PRKAG3: variants seen among roughly 807,000 people sequenced by gnomAD.
PRKAG3 encodes protein kinase AMP-activated non-catalytic subunit gamma 3.
PRKAG3 carries 39 observed loss-of-function variants against 56.5 expected under a neutral mutation model. That is an observed-to-expected ratio of 0.69 (90% CI 0.53 to 0.90). PRKAG3 has a LOEUF of 0.90. Ranked by LOEUF, PRKAG3 falls within the 40% of genes least tolerant of loss-of-function variation. The pLI, the probability that PRKAG3 is intolerant of heterozygous loss-of-function variation, is 0.00. For synonymous variants in PRKAG3, 243 were observed against 250.1 expected (o/e 0.97, Z 0.27); for missense variants, 628 against 627.5 (o/e 1.00, Z -0.01).
exon 13 of PRKAG3, chr2:218,823,573 G>T: frequency 7.8e-7 from 1 of 1,277,242 alleles, no homozygotes; most frequent in Non-Finnish European, 1.1e-6. Context: ...CCCATCCTCA[G>T]GGTGTCCCAA....
exon 5 of PRKAG3, chr2:218,828,540 T>C: frequency 1.2e-6 from 2 of 1,613,864 alleles, no homozygotes; most frequent in Non-Finnish European, 1.7e-6. Context: ...TGCTTCTTGC[T>C]GTCCCATAGA....
exon 12 of PRKAG3, chr2:218,824,235 A>G (rs761293377): frequency 1.2e-6 from 2 of 1,613,982 alleles, no homozygotes; most frequent in East Asian, 4.5e-5. Context: ...CTCCCGAGCA[A>G]TCCTGTCGAT....
At chr2:218,830,646 CTG>C (rs1404896103) in intron 3 of PRKAG3, 98 bp downstream of exon 3, 10 of 1,425,624 alleles carry the variant, frequency 7.0e-6, no homozygotes, top group South Asian at 1.3e-5. Context: ...GGGTCCAACT[CTG>C]TGTTATGGAG....
chr2:218,831,743 G>T, exon 1 of PRKAG3: 1 of 1,610,910 alleles, frequency 6.2e-7, no homozygotes, highest in Non-Finnish European at 8.5e-7. Context: ...CATACCCTGC[G>T]CAGTGCGTGC....
chr2:218,830,719 C>A (rs1446867777), intron 3 of PRKAG3, 27 bp downstream of exon 3: 3 of 1,606,718 alleles, frequency 1.9e-6, no homozygotes, highest in Non-Finnish European at 2.5e-6. Flanking sequence ...CTGGCTCCCA[C>A]CTCCCCAGAA....
exon 13 of PRKAG3, chr2:218,823,673 G>T: frequency 6.2e-7 from 1 of 1,603,210 alleles, no homozygotes; most frequent in Admixed American, 1.7e-5. Context: ...CAGCAAATGG[G>T]GGTGGGGGAA....
At position 218,827,706 on chromosome 2, in the gene PRKAG3, G is replaced by A. The variant is rs952350003; in HGVS notation, c.821-77C>T. ...TGCAGTCCCAGGCAGCTTCCCTTCC[G>A]TCAGGCACCCGAGGCTCCTATTGTC... On this transcript the variant is annotated intron_variant, in intron 7 of 12. Coordinates refer to ENST00000529249, the Ensembl canonical transcript of PRKAG3. This position sits in a 1 kb window ranked among gnomAD's most constrained non-coding sequence, Gnocchi z 5.3. 1.1e-5 allele frequency: 18 copies of A among 1,574,046 alleles called. No individual in the cohort carries two copies. Among genetic ancestry groups the A allele is most frequent in the Non-Finnish European group, 1.3e-5 (15 of 1,144,160 alleles).
At position 218,827,067 on chromosome 2, in the gene PRKAG3, G is replaced by A; in HGVS notation, c.1029C>T (p.Phe343=). The change falls in exon 10 of 13, where the codon TTC becomes TTT. Residue 343 remains phenylalanine (F), a synonymous_variant. Transcript: ENST00000529249. This position sits in a 1 kb window ranked among gnomAD's most constrained non-coding sequence, Gnocchi z 5.3. ...CCAAATCTTGGATAGTGCGGTAGAG[G>A]AAGGAGGGCCGGGGCAGCAGGGAAC... 1 of 1,613,654 alleles carries A rather than the reference G, an allele frequency of 6.2e-7. No individual in the cohort carries two copies. The highest frequency in any genetic ancestry group is 8.5e-7 in the Non-Finnish European group (1 of 1,180,042).
chr2:218,828,592 C>T lies in PRKAG3; in HGVS notation c.642G>A (p.Lys214=), dbSNP rs749990452. 2.5e-6 allele frequency: 4 copies of T among 1,613,258 alleles called. No individual in the cohort carries two copies. The Admixed American group carries it at 6.7e-5, about 27-fold the overall frequency. Residue 214 remains lysine, a synonymous_variant, in exon 5 of 13, where the codon AAG becomes AAA. Transcript: ENST00000529249. ...CGTTGGCCACCAGAGCAAAGAAGGC[C>T]TTCTTGATCTGAGGGGCCAGGGAGA...
At chr2:218,828,656 C>T (rs1943973710) in intron 4 of PRKAG3, 56 bp from the exon 5 acceptor site, 1 of 1,484,856 alleles carries the variant, frequency 6.7e-7, no homozygotes, top group Non-Finnish European at 9.2e-7. Flanking sequence ...TCACCCCCCT[C>T]TCTGCCCCTC....
Position 218,831,327 on chromosome 2 carries a change from T to G in PRKAG3, c.73+9A>C, listed in dbSNP as rs542255206. 2.0e-5 allele frequency: 32 copies of G among 1,584,676 alleles called. No homozygotes were observed. The African/African-American group carries it at 3.2e-4, about 16-fold the overall frequency. On this transcript the variant is annotated intron_variant, in intron 2 of 12. Coordinates refer to ENST00000529249, the Ensembl canonical transcript of PRKAG3. ...AGGTTAGGCCCCAGGGAGGGGGCAT[T>G]CTCCCTACCTTGATGCTCAGAACCC... is the stretch of plus-strand genomic sequence containing the variant.
At chr2:218,829,010 T>A (rs924865436) in intron 4 of PRKAG3, among the ~76,000 whole-genome samples, 7 of 152,230 alleles carry the variant, frequency 4.6e-5, no homozygotes, top group Non-Finnish European at 1.0e-4. Flanking sequence ...TAGATAAATT[T>A]TATATTGACT....
intron 10 of PRKAG3, chr2:218,826,632 A>G (rs557821635): frequency 2.5e-6 from 1 of 399,750 alleles, no homozygotes; most frequent in Admixed American, 3.6e-5. Flanking sequence ...AACTGAAACT[A>G]AAATCTGCTG....
In PRKAG3 at chr2:218,830,375, CG is replaced by C. The variant is rs1206668013; in HGVS notation, c.235del (p.Arg79GlyfsTer71). The C allele has an allele frequency of 6.8e-6, 11 of 1,606,810 alleles. No homozygotes were observed. The African/African-American group carries it at 1.3e-4, about 20-fold the overall frequency. On this transcript the variant is annotated frameshift_variant, in exon 4 of 13. Transcript: ENST00000529249. LOFTEE classifies it high-confidence loss of function. ...GGTGGACTCAGCAGCTGGCCTGGACCGGGGACCTGTTTGGGGGAGGAGGGGA... is the reference window on the plus strand; with the variant it reads ...GGTGGACTCAGCAGCTGGCCTGGACCGGGACCTGTTTGGGGGAGGAGGGGA...
At chr2:218,830,509 G>T in intron 3 of PRKAG3, 128 bp from the exon 4 acceptor site, 1 of 1,315,496 alleles carries the variant, frequency 7.6e-7, no homozygotes, top group Non-Finnish European at 1.0e-6. Context: ...GCAGGTGAGG[G>T]GCTGACCTGA....
chr2:218,823,978 A>C, intron 12 of PRKAG3, 100 bp from the exon 13 acceptor site: 1 of 1,305,918 alleles, frequency 7.7e-7, no homozygotes, highest in South Asian at 1.2e-5. Context: ...AACATGACTG[A>C]GGGAGAGAGC....
intron 3 of PRKAG3, 139 bp from the exon 4 acceptor site, chr2:218,830,520 G>A: frequency 8.0e-7 from 1 of 1,253,516 alleles, no homozygotes; most frequent in South Asian, 1.5e-5. Context: ...GCTGACCTGA[G>A]AGTCGCCCCA....
At chr2:218,824,292 A>G (rs1453497002) in exon 12 of PRKAG3, 2 of 1,614,030 alleles carry the variant, frequency 1.2e-6, no homozygotes, top group Admixed American at 3.3e-5. Context: ...GACTCCCTCC[A>G]GACATAGTGT....
At position 218,827,984 on chromosome 2, in the gene PRKAG3, A is replaced by G; in HGVS notation, c.774+20T>C. ...CCCCGCCCCTCTGGGTGCCCATAAG[A>G]TTCCCAGCCCACTCCTCACCAGGGG... is the stretch of plus-strand genomic sequence containing the variant. On this transcript the variant is annotated intron_variant, in intron 6 of 12. Coordinates refer to ENST00000529249, the Ensembl canonical transcript of PRKAG3. The surrounding 1 kb of genome is among the most constrained non-coding windows in gnomAD (Gnocchi z 5.3). 1 of 1,583,268 alleles carries G rather than the reference A, an allele frequency of 6.3e-7. No homozygotes were observed. Among genetic ancestry groups the G allele is most frequent in the Non-Finnish European group, 8.6e-7 (1 of 1,163,436 alleles).
Sources: allele counts gnomAD v4.1 joint callset (sites outside exome capture counted in the v4.1 genomes callset), GRCh38; gene constraint gnomAD v4.1.1; non-coding constraint Gnocchi (gnomAD v3.1); transcripts MANE v1.5; gene names NCBI Gene and HGNC (gene_info 2026-07-23, HGNC 2026-07-21).